TASP1: variants seen among roughly 807,000 people sequenced by gnomAD.
TASP1 encodes the protein threonine aspartase 1.
Under a neutral mutation model 56.6 loss-of-function variants are expected in TASP1, and 16 were observed. That is an observed-to-expected ratio of 0.28 (90% CI 0.19 to 0.43). TASP1 has a LOEUF of 0.43. Ranked by LOEUF, TASP1 falls within the 20% of genes least tolerant of loss-of-function variation. The pLI is 1.00. For synonymous variants in TASP1, 179 were observed against 184.2 expected, an observed-to-expected ratio of 0.97 and a Z score of 0.23; for missense variants, 393 against 511.6, an observed-to-expected ratio of 0.77 and a Z score of 2.24.
chr20:13,633,830 CAAA>C (rs78786884), intron 1 of TASP1, among the ~76,000 whole-genome samples: 2 of 128,154 alleles, frequency 1.6e-5, no homozygotes, highest in Non-Finnish European at 3.4e-5. Flanking sequence ...AGGTTTAGAC[CAAA>C]AAAAAAAAAA....
At chr20:13,466,707 C>T (rs2044272438) in intron 11 of TASP1, among the ~76,000 whole-genome samples, 2 of 152,196 alleles carry the variant, frequency 1.3e-5, no homozygotes, top group South Asian at 4.1e-4. Flanking sequence ...TACCACTGCA[C>T]TCCAGCCTGG....
At chr20:13,346,586 G>C in the TASP1 span, among the ~76,000 whole-genome samples, 3 of 152,182 alleles carry the variant, frequency 2.0e-5, no homozygotes, top group African/African-American at 7.2e-5. Flanking sequence ...GGGTGTGTCA[G>C]GAGTTCAGCG....
At chr20:13,477,838 A>C (rs916197254) in intron 11 of TASP1, among the ~76,000 whole-genome samples, 8 of 152,128 alleles carry the variant, frequency 5.3e-5, no homozygotes, top group African/African-American at 1.9e-4. Flanking sequence ...GTTTTCAAAG[A>C]AATGTGCAGA....
At chr20:13,632,536 T>C (rs2049137211) in intron 1 of TASP1, among the ~76,000 whole-genome samples, 1 of 152,182 alleles carries the variant, frequency 6.6e-6, no homozygotes, top group African/African-American at 2.4e-5. Flanking sequence ...GTGATTAATA[T>C]TCCATTTCTT....
chr20:13,420,175 C>T (rs1568775927), intron 12 of TASP1, among the ~76,000 whole-genome samples: 1 of 152,082 alleles, frequency 6.6e-6, no homozygotes, highest in African/African-American at 2.4e-5. Context: ...AGGATAAAGA[C>T]ATTACCCTTT....
At chr20:13,360,122 C>T in the TASP1 span, among the ~76,000 whole-genome samples, 31 of 152,046 alleles carry the variant, frequency 2.0e-4, no homozygotes, top group African/African-American at 7.3e-4. Flanking sequence ...TGCCTATCCA[C>T]CCCGTGGTGC....
chr20:13,148,544 G>A, the TASP1 span, among the ~76,000 whole-genome samples: 1 of 152,248 alleles, frequency 6.6e-6, no homozygotes, highest in African/African-American at 2.4e-5. Context: ...GAACTGCTGG[G>A]AAGTAATCAT....
rs142991029 is a variant in TASP1, at chr20:13,626,906, C to CA, written c.146-1655_146-1654insT. Among the ~76,000 whole-genome samples the CA allele has an allele frequency of 8.4e-4, 99 of 118,532 alleles. 2 individuals carry two copies. The highest frequency in any genetic ancestry group is 2.7e-3 in the African/African-American group (94 of 34,648). The allele number at this position is 118,532 out of a possible 152,430, so 77.8% of individuals were successfully genotyped here. A position where few individuals can be genotyped will look rare whatever the true frequency, so the allele number is the denominator to read the frequency against. On this transcript the variant is annotated intron_variant, in intron 2 of 13. Coordinates refer to ENST00000337743, the MANE Select transcript of TASP1 (RefSeq NM_017714.3). ...TAATAAAAGTCTCAGCAGAGCCCCC[C>CA]CCCCACCCCGTACATCTTTAATTCC...
chr20:13,168,808 T>C, the TASP1 span: 3 of 152,204 alleles, frequency 2.0e-5, no homozygotes, highest in Non-Finnish European at 4.4e-5. Context: ...CTCAAAACAG[T>C]AAGAACAATT....
chr20:13,176,199 A>G, the TASP1 span, among the ~76,000 whole-genome samples: 1 of 152,162 alleles, frequency 6.6e-6, no homozygotes, highest in African/African-American at 2.4e-5. Context: ...CAAACAGGAA[A>G]ATTTGACTTC....
chr20:13,214,538 C>G, the TASP1 span, among the ~76,000 whole-genome samples: 1 of 122,836 alleles, frequency 8.1e-6, no homozygotes, highest in African/African-American at 4.1e-5. Flanking sequence ...CACACACACA[C>G]ACACACACAC....
chr20:13,233,461 G>A, the TASP1 span, among the ~76,000 whole-genome samples: 3 of 151,976 alleles, frequency 2.0e-5, no homozygotes, highest in Non-Finnish European at 4.4e-5. Context: ...CGGGCGTGGT[G>A]GTGCATTCCT....
the TASP1 span, among the ~76,000 whole-genome samples, chr20:13,105,273 A>AT: frequency 6.6e-6 from 1 of 151,786 alleles, no homozygotes; most frequent in Non-Finnish European, 1.5e-5. Flanking sequence ...GGAGGAAAAA[A>AT]AAAATGGCTA....
At chr20:13,173,821 T>C in the TASP1 span, among the ~76,000 whole-genome samples, 1 of 152,206 alleles carries the variant, frequency 6.6e-6, no homozygotes, top group Non-Finnish European at 1.5e-5. Context: ...AATTTCACTT[T>C]CACAGGGTAA....
chr20:13,397,331 C>T (rs2041579675), intron 13 of TASP1, among the ~76,000 whole-genome samples: 1 of 152,068 alleles, frequency 6.6e-6, no homozygotes, highest in African/African-American at 2.4e-5. Context: ...TTGCATAATG[C>T]TTTAGTTTCC....
chr20:13,529,965 T>C (rs1435524408), intron 9 of TASP1, among the ~76,000 whole-genome samples: 1 of 152,198 alleles, frequency 6.6e-6, no homozygotes, highest in Non-Finnish European at 1.5e-5. Context: ...GTAGCAAATA[T>C]GTGCTGTATT....
At chr20:13,521,452 G>C (rs548693260) in intron 10 of TASP1, among the ~76,000 whole-genome samples, 2,451 of 152,146 alleles carry the variant, frequency 0.016, 68 homozygotes, top group African/African-American at 0.054. Flanking sequence ...CCATAAAAAA[G>C]GATGAGTTCA....
chr20:13,396,903 G>C (rs1808418620), intron 13 of TASP1, among the ~76,000 whole-genome samples: 1 of 152,206 alleles, frequency 6.6e-6, no homozygotes, highest in Non-Finnish European at 1.5e-5. Flanking sequence ...CAAATATCAT[G>C]TCTAAGGAGC....
chr20:13,445,097 G>A (rs760798520), intron 11 of TASP1, among the ~76,000 whole-genome samples: 1 of 152,066 alleles, frequency 6.6e-6, no homozygotes, highest in African/African-American at 2.4e-5. Context: ...CCTTATTTCA[G>A]AACAGAAAAT....
Sources: allele counts gnomAD v4.1 joint callset (sites outside exome capture counted in the v4.1 genomes callset), GRCh38; gene constraint gnomAD v4.1.1; transcripts MANE v1.5; gene names NCBI Gene and HGNC (gene_info 2026-07-23, HGNC 2026-07-21).